APRT: variants seen among roughly 807,000 people sequenced by gnomAD.
APRT encodes the protein adenine phosphoribosyltransferase.
A neutral mutation model predicts 21.0 loss-of-function variants in APRT; 25 were observed. The ratio of observed to expected loss-of-function variants is 1.19; its 90% CI spans 0.87 to 1.66. The LOEUF is 1.66. Ranked by LOEUF, APRT falls within the 40% of genes most tolerant of loss-of-function variation. The pLI is 0.00. For missense variants in APRT, 294 were observed against 232.7 expected, an observed-to-expected ratio of 1.26 and a Z score of -1.72; for synonymous variants, 153 against 109.0, an observed-to-expected ratio of 1.40 and a Z score of -2.52.
At chr16:88,811,207 C>T in intron 2 of APRT, 1 of 473,558 alleles carries the variant, frequency 2.1e-6, no homozygotes, top group Non-Finnish European at 3.7e-6. Flanking sequence ...AGGCCTGGCT[C>T]GTGGCAGGCG....
chr16:88,810,003 G>T (rs1909051687), intron 4 of APRT, 67 bp downstream of exon 4: 1 of 1,582,594 alleles, frequency 6.3e-7, no homozygotes. Context: ...ATGTCACACA[G>T]CGAGGTCCTG....
At position 88,809,523 on chromosome 16, in the gene APRT, G is replaced by T; in HGVS notation, c.*175C>A. ...CGCTGTGTGTAATTGGGTTCAGTGT[G>T]GCTGAAACACAGCTTTGCCCCAGGC... On this transcript the variant is annotated 3_prime_UTR_variant, in exon 5 of 5. Coordinates refer to ENST00000378364, the MANE Select transcript of APRT (RefSeq NM_000485.3). 1 of 1,033,014 alleles carries T rather than the reference G, an allele frequency of 9.7e-7. No homozygotes were observed. Among genetic ancestry groups the T allele is most frequent in the Non-Finnish European group, 1.5e-6 (1 of 684,926 alleles). 64.0% of individuals were successfully genotyped at this position (1,033,014 alleles called of 1,614,324 possible).
At chr16:88,809,885 G>C (rs780192617) in intron 4 of APRT, 45 bp from the exon 5 acceptor site, 4 of 1,603,138 alleles carry the variant, frequency 2.5e-6, no homozygotes, top group Non-Finnish European at 3.4e-6. Flanking sequence ...GGGCTGCAGA[G>C]AGCAGGTGCT....
At position 88,809,696 on chromosome 16, in the gene APRT, G is replaced by A. The variant is rs375180338; in HGVS notation, c.*2C>T. 6.2e-6 allele frequency: 10 copies of A among 1,613,312 alleles called. No homozygotes were observed. In the African/African-American group the frequency reaches 1.2e-4, roughly 19 times the overall value. On this transcript the variant is annotated 3_prime_UTR_variant, in exon 5 of 5. Transcript: ENST00000378364. ...GAGATGTTGGGCTGGGAGGCCCTGTGGTCACTCATACTGCAGGAGAGAGAA... is the reference window on the plus strand; with the variant it reads ...GAGATGTTGGGCTGGGAGGCCCTGTAGTCACTCATACTGCAGGAGAGAGAA...
chr16:88,810,055 C>G lies in APRT; in HGVS notation c.400+15G>C. 6.2e-6 allele frequency: 10 copies of G among 1,612,602 alleles called. No individual in the cohort carries two copies. The highest frequency in any genetic ancestry group is 8.5e-6 in the Non-Finnish European group (10 of 1,179,828). ...CCCTTGGAGCCACAGCAGTTGGCTG[C>G]GGGGAGACCCTTACCACCAGTGGCC... On this transcript the variant is annotated intron_variant, in intron 4 of 4. Coordinates refer to ENST00000378364, the MANE Select transcript of APRT (RefSeq NM_000485.3).
chr16:88,810,298 G>A, intron 3 of APRT, 125 bp downstream of exon 3: 1 of 1,516,892 alleles, frequency 6.6e-7, no homozygotes, highest in Non-Finnish European at 9.0e-7. Flanking sequence ...ACCTCTCTGA[G>A]CTCCCAAGGC....
intron 2 of APRT, 22 bp from the exon 3 acceptor site, chr16:88,810,578 G>C: frequency 6.2e-7 from 1 of 1,608,870 alleles, no homozygotes; most frequent in Non-Finnish European, 8.5e-7. Context: ...AGTGACAGGA[G>C]TGACTCGGCA....
chr16:88,811,435 G>C, intron 2 of APRT, 115 bp downstream of exon 2: 1 of 1,158,216 alleles, frequency 8.6e-7, no homozygotes, highest in Non-Finnish European at 1.2e-6. Context: ...CGCCCGTCCC[G>C]GCGCCCCCTG....
In APRT at chr16:88,810,545, G is replaced by C; in HGVS notation, c.199C>G (p.Arg67Gly). Residue 67 changes from arginine to glycine, a missense_variant, in exon 3 of 5, where the codon CGA becomes GGA. Coordinates refer to ENST00000378364, the MANE Select transcript of APRT (RefSeq NM_000485.3). Reference protein sequence around the residue: ...RIDYIAGLDSRGFLFGPSLAQ... With the variant: ...RIDYIAGLDSGGFLFGPSLAQ... Reference sequence around the variant, plus strand: ...AGGGAGGGGCCAAAGAGGAAGCCTCGGGAGTCTAGGCCTGTCAGGGTAAGT... The same window carrying C: ...AGGGAGGGGCCAAAGAGGAAGCCTCCGGAGTCTAGGCCTGTCAGGGTAAGT... The C allele has an allele frequency of 6.2e-7, 1 of 1,611,490 alleles. No individual in the cohort carries two copies. Among genetic ancestry groups the C allele is most frequent in the Admixed American group, 1.7e-5 (1 of 59,918 alleles).
In APRT at chr16:88,809,506, G is replaced by A; in HGVS notation, c.*192C>T. 1.2e-6 allele frequency: 1 copy of A among 864,808 alleles called. No homozygotes were observed. Among genetic ancestry groups the A allele is most frequent in the Non-Finnish European group, 1.9e-6 (1 of 534,848 alleles). 53.6% of individuals were successfully genotyped at this position (864,808 alleles called of 1,614,324 possible). On this transcript the variant is annotated 3_prime_UTR_variant, in exon 5 of 5. Coordinates refer to ENST00000378364, the MANE Select transcript of APRT (RefSeq NM_000485.3). ...TGTTTACTGCGTTCTCCCGCTGTGT[G>A]TAATTGGGTTCAGTGTGGCTGAAAC...
chr16:88,810,025 C>G (rs62048258), intron 4 of APRT, 45 bp downstream of exon 4: 15 of 1,604,596 alleles, frequency 9.3e-6, no homozygotes, highest in Non-Finnish European at 1.1e-5. Context: ...CCCACTCCCA[C>G]CAGGCCCTTG....
chr16:88,811,910 G>A lies in APRT; in HGVS notation c.-11C>T, dbSNP rs891185654. The A allele has an allele frequency of 1.9e-6, 3 of 1,544,212 alleles. No individual in the cohort carries two copies. Among genetic ancestry groups the A allele is most frequent in the Admixed American group, 2.0e-5 (1 of 51,250 alleles). On this transcript the variant is annotated 5_prime_UTR_variant, in exon 1 of 5. Transcript: ENST00000378364. ...CTCGGAGTCGGCCATGGCCGCGTGCGAAGAGCCAGCGGCAGCCCGAGCGCG... is the reference window on the plus strand; with the variant it reads ...CTCGGAGTCGGCCATGGCCGCGTGCAAAGAGCCAGCGGCAGCCCGAGCGCG...
rs1909039417 is a variant in APRT, at chr16:88,809,799, C to G, written c.442G>C (p.Ala148Pro). 1 of 1,613,096 alleles carries G rather than the reference C, an allele frequency of 6.2e-7. No individual in the cohort carries two copies. The highest frequency in any genetic ancestry group is 2.2e-5 in the East Asian group (1 of 44,884). Residue 148 changes from alanine (A) to proline (P), a missense_variant, in exon 5 of 5, where the codon GCT (alanine) becomes CCT (proline). Physicochemically the swap from Ala to Pro is conservative, Grantham distance 27. Transcript: ENST00000378364. ...AACELLGRLQAEVLECVSLVE... is the reference protein window; with the variant it reads ...AACELLGRLQPEVLECVSLVE... Reference sequence around the variant, plus strand: ...AGGCTCACGCACTCCAGGACCTCAGCCTGCAGGCGGCCCAGCAGCTCACAG... The same window carrying G: ...AGGCTCACGCACTCCAGGACCTCAGGCTGCAGGCGGCCCAGCAGCTCACAG...
chr16:88,811,317 C>T, intron 2 of APRT: 1 of 571,134 alleles, frequency 1.8e-6, no homozygotes, highest in East Asian at 3.1e-5. Flanking sequence ...GCAACTCGGT[C>T]ACGCCTGTCC....
At chr16:88,810,686 T>TA in intron 2 of APRT, 130 bp from the exon 3 acceptor site, 1 of 1,241,488 alleles carries the variant, frequency 8.1e-7, no homozygotes, top group Non-Finnish European at 1.1e-6. Context: ...TAAGGAATGT[T>TA]ACCCATCACC....
intron 1 of APRT, 78 bp from the exon 2 acceptor site, chr16:88,811,734 C>G (rs891111059): frequency 6.7e-7 from 1 of 1,500,592 alleles, no homozygotes. Context: ...AGGGTTCCCG[C>G]CCCGCCCGCC....
intron 2 of APRT, 87 bp from the exon 3 acceptor site, chr16:88,810,643 C>T: frequency 2.0e-6 from 3 of 1,514,328 alleles, no homozygotes; most frequent in South Asian, 1.2e-5. Context: ...ACCTGGTTGG[C>T]TCCCAGCTGA....
Position 88,811,619 on chromosome 16 carries a change from G to A in APRT, c.118C>T (p.Arg40Cys), listed in dbSNP as rs779980225. The A allele has an allele frequency of 6.2e-7, 1 of 1,602,830 alleles. No individual in the cohort carries two copies. The highest frequency in any genetic ancestry group is 2.3e-5 in the East Asian group (1 of 44,410). The change falls in exon 2 of 5, where the codon CGC becomes TGC. Residue 40 changes from arginine to cysteine, a missense_variant. By Grantham distance (180) the Arg-to-Cys change is radical (BLOSUM62 -3). Transcript: ENST00000378364. The part of the protein sequence containing the change: ...SPVLKDPASF[R>C]AAIGLLARHL... The stretch of plus-strand genomic sequence containing the variant: ...CGCGCCAGGAGGCCGATGGCGGCGC[G>A]GAAGGAGGCGGGGTCCTTCAGGACG...
rs201944035 is a variant in APRT, at chr16:88,810,124, C to T, written c.346G>A (p.Ala116Thr). 1.0e-4 allele frequency: 163 copies of T among 1,613,250 alleles called. 2 individuals carry two copies. In the East Asian group the frequency reaches 1.5e-3, roughly 15 times the overall value. Residue 116 changes from alanine (A) to threonine (T), a missense_variant, in exon 4 of 5, where the codon GCC becomes ACC. Physicochemically the swap from Ala to Thr is moderately conservative, Grantham distance 58. Transcript: ENST00000378364. Reference sequence around the variant, plus strand: ...ACCACCCTCTGTCCTGGCTCCAGGGCGTCTTTCTGAATCTCCAGCTCAGCC... The same window carrying T: ...ACCACCCTCTGTCCTGGCTCCAGGGTGTCTTTCTGAATCTCCAGCTCAGCC... Reference protein sequence around the residue: ...GKAELEIQKDALEPGQRVVVV... With the variant: ...GKAELEIQKDTLEPGQRVVVV...
Sources: gnomAD v4.1 joint callset for allele counts on GRCh38, gnomAD v4.1.1 for gene constraint, MANE v1.5 for transcripts, NCBI Gene and HGNC (gene_info 2026-07-23, HGNC 2026-07-21) for gene names.